CACNB4: variants seen among roughly 807,000 people sequenced by gnomAD.
CACNB4 encodes the protein voltage-dependent L-type calcium channel subunit beta-4.
CACNB4 carries 32 observed loss-of-function variants against 71.2 expected under a neutral mutation model. The ratio of observed to expected loss-of-function variants is 0.45; its 90% CI spans 0.34 to 0.60. The LOEUF (loss-of-function observed/expected upper bound fraction) is 0.60, where lower values mean the gene tolerates loss of function less well. Among genes scored for constraint, CACNB4 ranks in the 20% least tolerant of loss-of-function variants. The probability of loss-of-function intolerance (pLI) is 0.01; values close to 1 mark genes in which losing one functional copy is unlikely to be tolerated. For synonymous variants in CACNB4, 231 were observed against 236.9 expected, an observed-to-expected ratio of 0.97 and a Z score of 0.23; for missense variants, 464 against 647.9, an observed-to-expected ratio of 0.72 and a Z score of 3.08.
At chr2:151,998,096 G>A (rs1346135053) in intron 2 of CACNB4, among the ~76,000 whole-genome samples, 1 of 152,180 alleles carries the variant, frequency 6.6e-6, no homozygotes, top group Non-Finnish European at 1.5e-5. Flanking sequence ...GCCAAGGTGG[G>A]GGGATCGCCT....
intron 2 of CACNB4, among the ~76,000 whole-genome samples, chr2:152,033,104 C>A (rs1684379544): frequency 6.6e-6 from 1 of 152,212 alleles, no homozygotes; most frequent in African/African-American, 2.4e-5. Context: ...GAGGAACAGA[C>A]AGGGCCAAGG....
rs1266142962 is a variant in CACNB4 at position 151,836,065 on chromosome 2, T to C, written c.*3054A>G. The C allele has an allele frequency of 6.6e-6, 1 of 151,912 alleles. No individual in the cohort carries two copies. The highest frequency in any genetic ancestry group is 2.4e-5 in the African/African-American group (1 of 41,454). The allele number at this position is 151,912 out of a possible 1,614,324, so 9.4% of individuals were successfully genotyped here. Reference sequence around the variant, plus strand: ...AAACATTTCTAAGTGTTGCTTTAAATATTAAACAAGATAATGTTGTTGGTT... The same window carrying C: ...AAACATTTCTAAGTGTTGCTTTAAACATTAAACAAGATAATGTTGTTGGTT... On this transcript the variant is annotated 3_prime_UTR_variant, in exon 14 of 14. Transcript: ENST00000539935.
chr2:151,954,623 C>T (rs868235740), intron 2 of CACNB4, among the ~76,000 whole-genome samples: 3 of 151,974 alleles, frequency 2.0e-5, no homozygotes, highest in Admixed American at 6.6e-5. Flanking sequence ...ACAGAGATTT[C>T]GGATATGGCC....
chr2:151,882,911 A>G, intron 3 of CACNB4: 1 of 356,054 alleles, frequency 2.8e-6, no homozygotes, highest in East Asian at 7.0e-5. Context: ...TAAAGGCTGA[A>G]GTAATGGATG....
intron 10 of CACNB4, chr2:151,859,754 A>C (rs1163720280): frequency 6.6e-6 from 1 of 152,200 alleles, no homozygotes; most frequent in Non-Finnish European, 1.5e-5. Flanking sequence ...ATTTATTAGC[A>C]ATTATCACAT....
At chr2:151,936,569 C>G (rs1188330871) in intron 2 of CACNB4, among the ~76,000 whole-genome samples, 1 of 152,218 alleles carries the variant, frequency 6.6e-6, no homozygotes, top group Non-Finnish European at 1.5e-5. Context: ...TTAATTTCAG[C>G]TCTGTGTATG....
In CACNB4 at chr2:151,838,344, G is replaced by A. The variant is rs2099835344; in HGVS notation, c.*775C>T. The A allele has an allele frequency of 6.6e-6, 1 of 152,528 alleles. No homozygotes were observed. Among genetic ancestry groups the A allele is most frequent in the African/African-American group, 2.4e-5 (1 of 41,422 alleles). The allele number at this position is 152,528 out of a possible 1,614,324, so 9.4% of individuals were successfully genotyped here. A position where few individuals can be genotyped will look rare whatever the true frequency, so the allele number is the denominator to read the frequency against. On this transcript the variant is annotated 3_prime_UTR_variant, in exon 14 of 14. Coordinates refer to ENST00000539935, the MANE Select transcript of CACNB4 (RefSeq NM_000726.5). Reference sequence around the variant, plus strand: ...GAAAAAAATTTGAGGTTTTTTGCTTGTTTGTATTTGTTTTTGCCAACTTCA... The same window carrying A: ...GAAAAAAATTTGAGGTTTTTTGCTTATTTGTATTTGTTTTTGCCAACTTCA...
At chr2:151,899,259 C>T (rs1421286185) in intron 2 of CACNB4, among the ~76,000 whole-genome samples, 2 of 152,164 alleles carry the variant, frequency 1.3e-5, no homozygotes, top group Non-Finnish European at 2.9e-5. Flanking sequence ...GACACAAAGA[C>T]CAAGAACTCT....
At chr2:151,982,083 T>C (rs970845493) in intron 2 of CACNB4, among the ~76,000 whole-genome samples, 2 of 152,174 alleles carry the variant, frequency 1.3e-5, no homozygotes, top group African/African-American at 4.8e-5. Flanking sequence ...GAGGTTTGGG[T>C]GCACACTGCT....
At chr2:151,959,456 A>G (rs761888353) in intron 2 of CACNB4, among the ~76,000 whole-genome samples, 29 of 152,258 alleles carry the variant, frequency 1.9e-4, no homozygotes, top group Non-Finnish European at 3.8e-4. Flanking sequence ...TCACTAAGTT[A>G]GACTCAAATA....
chr2:151,871,015 A>G, intron 6 of CACNB4, 154 bp from the exon 7 acceptor site: 1 of 622,652 alleles, frequency 1.6e-6, no homozygotes, highest in Non-Finnish European at 2.9e-6. Flanking sequence ...TTATGATTTC[A>G]TTCTGGACAC....
chr2:151,842,936 T>C (rs2099836596), intron 12 of CACNB4, among the ~76,000 whole-genome samples: 1 of 152,220 alleles, frequency 6.6e-6, no homozygotes, highest in Non-Finnish European at 1.5e-5. Context: ...ATCTGTTTTA[T>C]GATAAAACAA....
intron 2 of CACNB4, among the ~76,000 whole-genome samples, chr2:151,945,928 C>G (rs1051482096): frequency 8.7e-5 from 13 of 149,064 alleles, no homozygotes; most frequent in Admixed American, 2.0e-4. Context: ...TGTGTATATA[C>G]AAAGAAGTTA....
chr2:151,958,223 T>C (rs2099868804), intron 2 of CACNB4, among the ~76,000 whole-genome samples: 1 of 152,158 alleles, frequency 6.6e-6, no homozygotes, highest in African/African-American at 2.4e-5. Context: ...AAATATTTAA[T>C]GTAAAAGGAT....
At chr2:151,984,278 A>G (rs1195482017) in intron 2 of CACNB4, among the ~76,000 whole-genome samples, 1 of 152,178 alleles carries the variant, frequency 6.6e-6, no homozygotes, top group Admixed American at 6.5e-5. Context: ...ATTCATAAAT[A>G]CATTGTTATG....
intron 2 of CACNB4, among the ~76,000 whole-genome samples, chr2:151,956,843 G>T (rs62175750): frequency 0.029 from 4,379 of 152,236 alleles, 64 homozygotes; most frequent in African/African-American, 0.039. Flanking sequence ...GCTCTTTTAA[G>T]AATACAGACC....
intron 2 of CACNB4, chr2:151,972,291 A>G (rs1642587827): frequency 6.6e-6 from 1 of 152,288 alleles, no homozygotes; most frequent in Non-Finnish European, 1.5e-5. Context: ...CCGAAAATAA[A>G]ACTTACAATT....
rs539472286 is a variant in CACNB4, at chr2:151,862,850, C to G, written c.759-2030G>C. ...CATTCTCTTACAGTTCAGTGTTCTA[C>G]AAGCCCGAATCTCAAGCTATGAGTC... On this transcript the variant is annotated intron_variant, in intron 9 of 13. Coordinates refer to ENST00000539935, the MANE Select transcript of CACNB4 (RefSeq NM_000726.5). 2.0e-5 allele frequency among the ~76,000 whole-genome samples: 3 copies of G among 152,288 alleles called. No individual in the cohort carries two copies. The East Asian group carries it at 5.8e-4, about 29-fold the overall frequency.
chr2:151,868,085 T>G (rs2099843646), intron 9 of CACNB4: 1 of 152,240 alleles, frequency 6.6e-6, no homozygotes, highest in Admixed American at 6.5e-5. Context: ...TACCCAATTA[T>G]CCAGAAAGCT....
Sources: gnomAD v4.1 joint callset for allele counts (sites outside exome capture counted in the v4.1 genomes callset) on GRCh38, gnomAD v4.1.1 for gene constraint, MANE v1.5 for transcripts, NCBI Gene and HGNC (gene_info 2026-07-23, HGNC 2026-07-21) for gene names.